UNC5D: variants seen among roughly 807,000 people sequenced by gnomAD.
The protein encoded by UNC5D is netrin receptor UNC5D.
UNC5D carries 39 observed loss-of-function variants against 105.4 expected under a neutral mutation model. The ratio of observed to expected loss-of-function variants is 0.37; its 90% CI spans 0.29 to 0.48. UNC5D has a LOEUF of 0.48. Ranked by LOEUF, UNC5D falls within the 20% of genes least tolerant of loss-of-function variation. The pLI, the probability that UNC5D is intolerant of heterozygous loss-of-function variation, is 0.98. For synonymous variants in UNC5D, 452 were observed against 450.4 expected (o/e 1.00, Z -0.04); for missense variants, 991 against 1,202.4 (o/e 0.82, Z 2.60).
chr8:35,345,781 T>A (rs1455854707), intron 1 of UNC5D, among the ~76,000 whole-genome samples: 1 of 152,000 alleles, frequency 6.6e-6, no homozygotes, highest in East Asian at 1.9e-4. Context: ...AAGTGCCTAA[T>A]AAAATGGAAA....
chr8:35,592,605 A>G (rs776825688), intron 3 of UNC5D, among the ~76,000 whole-genome samples: 82 of 152,250 alleles, frequency 5.4e-4, no homozygotes, highest in African/African-American at 1.9e-3. Context: ...ATTTGTTGGT[A>G]AGTTTACCCT....
chr8:35,312,033 G>A (rs1295071157), intron 1 of UNC5D, among the ~76,000 whole-genome samples: 1 of 152,086 alleles, frequency 6.6e-6, no homozygotes, highest in Non-Finnish European at 1.5e-5. Flanking sequence ...TGCAAGTGCT[G>A]TACTCCATTC....
At chr8:35,444,932 A>G (rs950876285) in intron 1 of UNC5D, among the ~76,000 whole-genome samples, 1 of 152,082 alleles carries the variant, frequency 6.6e-6, no homozygotes, top group African/African-American at 2.4e-5. Context: ...GTAATTGTTA[A>G]CAAAACACCT....
intron 1 of UNC5D, among the ~76,000 whole-genome samples, chr8:35,518,448 AT>A (rs35186709): frequency 0.076 from 11,642 of 152,192 alleles, 480 homozygotes; most frequent in Non-Finnish European, 0.087. Flanking sequence ...CTTCTGCAAC[AT>A]TTTTTTATGC....
intron 1 of UNC5D, among the ~76,000 whole-genome samples, chr8:35,354,830 C>G (rs1801458070): frequency 6.6e-6 from 1 of 152,088 alleles, no homozygotes; most frequent in Non-Finnish European, 1.5e-5. Context: ...GGCTGGAAGA[C>G]CCACTTGTAA....
intron 4 of UNC5D, among the ~76,000 whole-genome samples, chr8:35,602,281 A>C (rs1036769443): frequency 1.9e-4 from 29 of 152,236 alleles, no homozygotes; most frequent in African/African-American, 2.6e-4. Context: ...TGTCTCTGCC[A>C]GGCTTTGGTA....
chr8:35,623,819 G>A lies in UNC5D; in HGVS notation c.570+28162G>A, dbSNP rs537817086. Among the ~76,000 whole-genome samples, 44 of 152,230 alleles carry A rather than the reference G, an allele frequency of 2.9e-4. No homozygotes were observed. In the South Asian group the frequency reaches 7.9e-3, roughly 27 times the overall value. Reference sequence around the variant, plus strand: ...TTCATGGCCGGGCGCAGTGGCTCACGCCTGTAATCCCAGCACTTTGGGAGG... The same window carrying A: ...TTCATGGCCGGGCGCAGTGGCTCACACCTGTAATCCCAGCACTTTGGGAGG... On this transcript the variant is annotated intron_variant, in intron 4 of 16. Transcript: ENST00000404895.
At chr8:35,470,595 A>C (rs1476292936) in intron 1 of UNC5D, among the ~76,000 whole-genome samples, 1 of 60,516 alleles carries the variant, frequency 1.7e-5, no homozygotes, top group Admixed American at 1.5e-4. Context: ...ATCTCTACAA[A>C]AAATGCAAAA....
chr8:35,652,190 C>T (rs1823455924), intron 4 of UNC5D, among the ~76,000 whole-genome samples: 1 of 151,952 alleles, frequency 6.6e-6, no homozygotes. Flanking sequence ...TGAGAGTGAG[C>T]CAGAAGGCAA....
At chr8:35,278,397 T>C (rs1195063220) in intron 1 of UNC5D, among the ~76,000 whole-genome samples, 4 of 152,124 alleles carry the variant, frequency 2.6e-5, no homozygotes, top group African/African-American at 7.2e-5. Context: ...ATCTGCTTTA[T>C]ATCTAGCAAA....
intron 3 of UNC5D, among the ~76,000 whole-genome samples, chr8:35,587,684 G>A (rs373715919): frequency 3.9e-5 from 6 of 152,036 alleles, no homozygotes; most frequent in Admixed American, 6.5e-5. Context: ...GATAGACATC[G>A]TAGGAGTGAA....
chr8:35,283,858 T>G (rs1806385802), intron 1 of UNC5D, among the ~76,000 whole-genome samples: 1 of 152,092 alleles, frequency 6.6e-6, no homozygotes. Flanking sequence ...TAAATTGTTT[T>G]AGAATGGGGC....
At chr8:35,776,057 CT>C (rs1802232116) in intron 16 of UNC5D, among the ~76,000 whole-genome samples, 1 of 152,158 alleles carries the variant, frequency 6.6e-6, no homozygotes, top group Admixed American at 6.5e-5. Flanking sequence ...GTCAATTTCC[CT>C]TTCTGATCAA....
intron 1 of UNC5D, among the ~76,000 whole-genome samples, chr8:35,343,650 A>G (rs1278940121): frequency 6.6e-6 from 1 of 152,074 alleles, no homozygotes; most frequent in Admixed American, 6.6e-5. Context: ...ATCTAGCTTT[A>G]ATGAAGAAAC....
intron 1 of UNC5D, among the ~76,000 whole-genome samples, chr8:35,389,105 C>A (rs1192199256): frequency 6.6e-6 from 1 of 152,176 alleles, no homozygotes; most frequent in African/African-American, 2.4e-5. Context: ...ATTCTTCACA[C>A]TTTTTCCTGT....
At chr8:35,473,506 G>A (rs1809881888) in intron 1 of UNC5D, among the ~76,000 whole-genome samples, 1 of 152,054 alleles carries the variant, frequency 6.6e-6, no homozygotes, top group Non-Finnish European at 1.5e-5. Context: ...ATTATTAAAA[G>A]ATACATTCTT....
intron 1 of UNC5D, among the ~76,000 whole-genome samples, chr8:35,445,157 A>T (rs1364376000): frequency 6.6e-6 from 1 of 151,942 alleles, no homozygotes; most frequent in Non-Finnish European, 1.5e-5. Flanking sequence ...CTCTCATGCC[A>T]GCCCCCAGTA....
chr8:35,725,496 G>A (rs976196844), intron 9 of UNC5D, among the ~76,000 whole-genome samples: 2 of 152,098 alleles, frequency 1.3e-5, no homozygotes, highest in African/African-American at 4.8e-5. Context: ...GCTTCTCACT[G>A]TCTCTGGGTG....
At chr8:35,683,840 C>T (rs1825834634) in intron 5 of UNC5D, 113 bp downstream of exon 5, 2 of 1,051,656 alleles carry the variant, frequency 1.9e-6, no homozygotes, top group Non-Finnish European at 2.5e-6. Context: ...GGGGTTCATT[C>T]ACAGCAGTGC....
Sources: allele counts gnomAD v4.1 joint callset (sites outside exome capture counted in the v4.1 genomes callset), GRCh38; gene constraint gnomAD v4.1.1; transcripts MANE v1.5; gene names NCBI Gene and HGNC (gene_info 2026-07-23, HGNC 2026-07-21).